Variants in PRUNE2 observed in about 807,000 individuals in gnomAD.
The protein encoded by PRUNE2 is protein prune homolog 2.
PRUNE2 carries 164 observed loss-of-function variants against 252.0 expected under a neutral mutation model. That is an observed-to-expected ratio of 0.65 (90% CI 0.57 to 0.74). The LOEUF (loss-of-function observed/expected upper bound fraction) is 0.74, where lower values mean the gene tolerates loss of function less well. PRUNE2 is among the 30% of genes least tolerant of loss of function. The probability of loss-of-function intolerance (pLI) is 0.00; values close to 1 mark genes in which losing one functional copy is unlikely to be tolerated. For missense variants in PRUNE2, 3,495 were observed against 3,711.0 expected (o/e 0.94, Z 1.51); for synonymous variants, 1,292 against 1,350.2 (o/e 0.96, Z 0.94).
At chr9:76,646,824 G>T (rs1845065010) in intron 11 of PRUNE2, among the ~76,000 whole-genome samples, 1 of 151,922 alleles carries the variant, frequency 6.6e-6, no homozygotes, top group Non-Finnish European at 1.5e-5. Flanking sequence ...CTTTACCCTG[G>T]TCATCTCTGT....
intron 12 of PRUNE2, chr9:76,641,966 G>A: frequency 6.6e-7 from 1 of 1,504,600 alleles, no homozygotes. Flanking sequence ...CTTCAGAGAA[G>A]GTTACCTGAA....
intron 6 of PRUNE2, among the ~76,000 whole-genome samples, chr9:76,809,693 AAAAC>A (rs887447364): frequency 1.3e-5 from 2 of 152,160 alleles, no homozygotes; most frequent in Non-Finnish European, 2.9e-5. Context: ...AGACTCCATC[AAAAC>A]AAACAAACAA....
At chr9:76,668,290 A>T (rs1021279007) in intron 9 of PRUNE2, among the ~76,000 whole-genome samples, 2 of 152,232 alleles carry the variant, frequency 1.3e-5, no homozygotes, top group African/African-American at 2.4e-5. Context: ...TCTGAATTTG[A>T]TGATCATGCA....
intron 1 of PRUNE2, among the ~76,000 whole-genome samples, chr9:76,901,186 C>T (rs1345938944): frequency 6.6e-6 from 1 of 152,204 alleles, no homozygotes; most frequent in Non-Finnish European, 1.5e-5. Context: ...AGCTGTTCAT[C>T]TGAATGATCT....
rs1387516923 is a variant in PRUNE2 at position 76,827,821 on chromosome 9, T to A, written c.509-1089A>T. ...GCCTCCGTTTCCAGTTTCCCATTTT[T>A]AAAACAGGAATAATACTGCTTTCCC... On this transcript the variant is annotated intron_variant, in intron 4 of 18. Transcript: ENST00000376718. 2.6e-5 allele frequency among the ~76,000 whole-genome samples: 4 copies of A among 152,184 alleles called. No individual in the cohort carries two copies. In the East Asian group the frequency reaches 5.8e-4, roughly 22 times the overall value.
intron 1 of PRUNE2, among the ~76,000 whole-genome samples, chr9:76,875,614 T>C (rs1482354326): frequency 1.3e-5 from 2 of 152,222 alleles, no homozygotes; most frequent in Non-Finnish European, 2.9e-5. Context: ...TCTGCCCGCC[T>C]TGGCCTCCCA....
chr9:76,638,276 T>C lies in PRUNE2; in HGVS notation c.8741A>G (p.Asp2914Gly). ...AAACACAATGATGGCATTTAGACCGTCCCCATAGTATCCTGGGGGACAAAC... is the reference window on the plus strand; with the variant it reads ...AAACACAATGATGGCATTTAGACCGCCCCCATAGTATCCTGGGGGACAAAC... ...RVISHGGYYGDGLNAIIVFAA... is the reference protein window; with the variant it reads ...RVISHGGYYGGGLNAIIVFAA... Residue 2914 changes from aspartate (D) to glycine (G), a missense_variant, in exon 13 of 19, where the codon GAC (aspartate) becomes GGC (glycine). Coordinates refer to ENST00000376718, the MANE Select transcript of PRUNE2 (RefSeq NM_015225.3). The C allele has an allele frequency of 1.9e-6, 3 of 1,613,084 alleles. No individual in the cohort carries two copies. The highest frequency in any genetic ancestry group is 2.5e-6 in the Non-Finnish European group (3 of 1,179,214).
At chr9:76,824,889 T>C (rs931718122) in intron 5 of PRUNE2, among the ~76,000 whole-genome samples, 17 of 152,222 alleles carry the variant, frequency 1.1e-4, no homozygotes, top group Non-Finnish European at 2.1e-4. Flanking sequence ...ATTGAAGACA[T>C]TGTGACATTA....
chr9:76,755,207 G>A (rs999377725), intron 6 of PRUNE2, among the ~76,000 whole-genome samples: 18 of 151,954 alleles, frequency 1.2e-4, no homozygotes, highest in East Asian at 3.9e-4. Context: ...TTTGCTATTC[G>A]TCTCCCCTGC....
intron 1 of PRUNE2, among the ~76,000 whole-genome samples, chr9:76,874,592 G>T (rs1241976927): frequency 6.6e-6 from 1 of 152,120 alleles, no homozygotes. Context: ...AAAAGACAGT[G>T]GACATTTTCC....
chr9:76,743,030 G>A (rs563851972), intron 6 of PRUNE2, among the ~76,000 whole-genome samples: 4 of 152,312 alleles, frequency 2.6e-5, no homozygotes, highest in Admixed American at 1.3e-4. Context: ...TCTTGTGATA[G>A]TGAGTTCTCA....
In PRUNE2 at chr9:76,874,827, CATGAG is replaced by C. The variant is rs1262013183; in HGVS notation, c.37-20624_37-20620del. Among the ~76,000 whole-genome samples, 3 of 152,162 alleles carry C rather than the reference CATGAG, an allele frequency of 2.0e-5. No homozygotes were observed. The South Asian group carries it at 6.2e-4, about 32-fold the overall frequency. ...GCAGCAGACAAAGTATATTAATTAT[CATGAG>C]ATGAGATCAAAAGTGGGCTGAGGTA... On this transcript the variant is annotated intron_variant, in intron 1 of 18. Transcript: ENST00000376718.
In PRUNE2 at chr9:76,711,000, C is replaced by T; in HGVS notation, c.1274G>A (p.Ser425Asn). 6.2e-7 allele frequency: 1 copy of T among 1,613,022 alleles called. No homozygotes were observed. Among genetic ancestry groups the T allele is most frequent in the East Asian group, 2.2e-5 (1 of 44,872 alleles). ...AQVDANVDLV[S>N]PDSGLATIRS... ...AATGGTAGCCAGTCCGCTGTCTGGGCTAACAAGGTCTACATTGGCATCCAC... is the reference window on the plus strand; with the variant it reads ...AATGGTAGCCAGTCCGCTGTCTGGGTTAACAAGGTCTACATTGGCATCCAC... The change falls in exon 8 of 19, where the codon AGC becomes AAC. Residue 425 changes from serine (S) to asparagine (N), a missense_variant. Ser to Asn is a conservative substitution (Grantham distance 46, BLOSUM62 1). Transcript: ENST00000376718.
chr9:76,710,750 T>C lies in PRUNE2; in HGVS notation c.1524A>G (p.Gln508=). Residue 508 remains glutamine, a synonymous_variant, in exon 8 of 19, where the codon CAA becomes CAG. Coordinates refer to ENST00000376718, the MANE Select transcript of PRUNE2 (RefSeq NM_015225.3). ...GGGAGTAGTCTGCAGAATGAGAAGATTGCTGGGACTGCCCAGAAGCCATGG... is the reference window on the plus strand; with the variant it reads ...GGGAGTAGTCTGCAGAATGAGAAGACTGCTGGGACTGCCCAGAAGCCATGG... The part of the protein sequence containing the change: ...PAPMASGQSQ[Q]SSHSADYSPA... The C allele has an allele frequency of 1.9e-6, 3 of 1,611,266 alleles. No individual in the cohort carries two copies. Among genetic ancestry groups the C allele is most frequent in the Non-Finnish European group, 2.5e-6 (3 of 1,178,764 alleles).
chr9:76,827,098 G>C (rs1190174636), intron 4 of PRUNE2, among the ~76,000 whole-genome samples: 2 of 152,134 alleles, frequency 1.3e-5, no homozygotes, highest in African/African-American at 4.8e-5. Context: ...CTATTTAAAA[G>C]TCTAATCAGC....
intron 9 of PRUNE2, among the ~76,000 whole-genome samples, chr9:76,663,029 G>A (rs1010978559): frequency 5.3e-5 from 8 of 152,088 alleles, no homozygotes; most frequent in Non-Finnish European, 1.2e-4. Flanking sequence ...GCCATTTGAG[G>A]GTTCTTGTCT....
At chr9:76,619,718 A>T (rs958234021) in intron 17 of PRUNE2, among the ~76,000 whole-genome samples, 1 of 152,252 alleles carries the variant, frequency 6.6e-6, no homozygotes, top group Non-Finnish European at 1.5e-5. Flanking sequence ...CCAAATAATA[A>T]AATACACACA....
chr9:76,745,567 C>A (rs1381329990), intron 6 of PRUNE2, among the ~76,000 whole-genome samples: 2 of 152,010 alleles, frequency 1.3e-5, no homozygotes, highest in Admixed American at 6.6e-5. Context: ...TATGATTGCA[C>A]CCCCAACCAA....
At chr9:76,818,724 G>T (rs146560635) in intron 6 of PRUNE2, among the ~76,000 whole-genome samples, 2 of 152,302 alleles carry the variant, frequency 1.3e-5, no homozygotes, top group African/African-American at 4.8e-5. Flanking sequence ...AAATTGATAT[G>T]AAATAAAAAT....
Sources: allele counts gnomAD v4.1 joint callset (sites outside exome capture counted in the v4.1 genomes callset), GRCh38; gene constraint gnomAD v4.1.1; transcripts MANE v1.5; gene names NCBI Gene and HGNC (gene_info 2026-07-23, HGNC 2026-07-21).